JAKMIP3: variants seen among roughly 807,000 people sequenced by gnomAD.
The protein encoded by JAKMIP3 is Janus kinase and microtubule interacting protein 3, also known as janus kinase and microtubule-interacting protein 3.
Under a neutral mutation model 118.5 loss-of-function variants are expected in JAKMIP3, and 58 were observed. That is an observed-to-expected ratio of 0.49 (90% CI 0.40 to 0.61). JAKMIP3 has a LOEUF of 0.61. Among genes scored for constraint, JAKMIP3 ranks in the 20% least tolerant of loss-of-function variants. JAKMIP3 has a pLI of 0.00. For synonymous variants in JAKMIP3, 486 were observed against 451.2 expected, an observed-to-expected ratio of 1.08 and a Z score of -0.98; for missense variants, 950 against 1,109.0, an observed-to-expected ratio of 0.86 and a Z score of 2.04.
In JAKMIP3 at chr10:132,166,970, C is replaced by A; in HGVS notation, c.2491-13C>A. On this transcript the variant is annotated splice_polypyrimidine_tract_variant and intron_variant, in intron 21 of 23. Coordinates refer to ENST00000684848, the MANE Select transcript of JAKMIP3 (RefSeq NM_001323087.2). ...TTTCCTTCCGTTTCTCCATCCTCCC[C>A]TTTCCGTTTCAGTTTCTATTTTTGT... 1 of 1,529,462 alleles carries A rather than the reference C, an allele frequency of 6.5e-7. No individual in the cohort carries two copies. The highest frequency in any genetic ancestry group is 1.4e-5 in the African/African-American group (1 of 72,676). 94.7% of individuals were successfully genotyped at this position (1,529,462 alleles called of 1,614,324 possible).
chr10:132,064,475 C>T (rs1322904145), upstream of JAKMIP3, among the ~76,000 whole-genome samples: 6 of 152,006 alleles, frequency 3.9e-5, no homozygotes, highest in African/African-American at 1.2e-4. The surrounding 1 kb of genome is among the most constrained non-coding windows in gnomAD (Gnocchi z 4.4). Flanking sequence ...TGCTTCAGGG[C>T]AACACGGGAG....
At chr10:132,180,686 T>TGCGTGCGCGC (rs1409400199) in intron 23 of JAKMIP3, among the ~76,000 whole-genome samples, 2 of 20,964 alleles carry the variant, frequency 9.5e-5, no homozygotes, top group African/African-American at 3.2e-4. Context: ...CGCGCGCGTG[T>TGCGTGCGCGC]GTGTGCGTGC....
chr10:132,037,946 G>T (rs1203450715), intron 1 of JAKMIP3, among the ~76,000 whole-genome samples: 1 of 152,250 alleles, frequency 6.6e-6, no homozygotes, highest in Non-Finnish European at 1.5e-5. Flanking sequence ...AAATCTGGAA[G>T]AAGCCGGGAA....
At chr10:132,107,095 A>G (rs1240750175) in intron 2 of JAKMIP3, among the ~76,000 whole-genome samples, 1 of 146,142 alleles carries the variant, frequency 6.8e-6, no homozygotes, top group East Asian at 2.0e-4. Flanking sequence ...GGGTCTCGCC[A>G]TTTTGCCCGG....
At chr10:132,153,708 G>A (rs1000430173) in intron 17 of JAKMIP3, 51 bp from the exon 18 acceptor site, 37 of 1,574,502 alleles carry the variant, frequency 2.3e-5, no homozygotes, top group East Asian at 1.6e-4. Context: ...TCCACGAGCC[G>A]GGGTGGGGGA....
chr10:132,132,678 G>T (rs867452656), intron 3 of JAKMIP3, among the ~76,000 whole-genome samples: 25 of 152,334 alleles, frequency 1.6e-4, no homozygotes, highest in African/African-American at 6.0e-4. Context: ...GTGTGGCTCT[G>T]CCTGAAGACA....
At chr10:132,100,904 C>T (rs139747453) in intron 1 of JAKMIP3, among the ~76,000 whole-genome samples, 8 of 152,316 alleles carry the variant, frequency 5.3e-5, no homozygotes, top group Middle Eastern at 3.4e-3. Flanking sequence ...AAGAGCTTGC[C>T]GCAGACCCCA....
chr10:132,165,669 G>A (rs1009537507), intron 21 of JAKMIP3, among the ~76,000 whole-genome samples: 1 of 152,220 alleles, frequency 6.6e-6, no homozygotes, highest in Non-Finnish European at 1.5e-5. Flanking sequence ...ATTGCCAGGA[G>A]AGACCGGGTC....
intron 21 of JAKMIP3, among the ~76,000 whole-genome samples, chr10:132,165,006 G>A (rs781619202): frequency 2.0e-5 from 3 of 152,192 alleles, no homozygotes; most frequent in Non-Finnish European, 2.9e-5. Context: ...TGCGACCGCA[G>A]AGGAGCCACT....
At chr10:132,047,381 C>T (rs1380843162) in intron 1 of JAKMIP3, among the ~76,000 whole-genome samples, 1 of 152,200 alleles carries the variant, frequency 6.6e-6, no homozygotes, top group African/African-American at 2.4e-5. Context: ...CAGAGAGGAA[C>T]GCATAGCTCA....
At chr10:132,059,248 C>T (rs1233943029) in intron 1 of JAKMIP3, among the ~76,000 whole-genome samples, 3 of 152,246 alleles carry the variant, frequency 2.0e-5, no homozygotes, top group Admixed American at 6.5e-5. Flanking sequence ...CTGCTGGTGC[C>T]ATGTCCGCCA....
At chr10:132,037,978 G>C (rs1359474991) in intron 1 of JAKMIP3, among the ~76,000 whole-genome samples, 1 of 152,230 alleles carries the variant, frequency 6.6e-6, no homozygotes, top group Non-Finnish European at 1.5e-5. Flanking sequence ...GTCTGGCCTG[G>C]TCAGCTTTCT....
intron 1 of JAKMIP3, among the ~76,000 whole-genome samples, chr10:132,085,132 G>C (rs9419353): frequency 0.13 from 20,003 of 152,164 alleles, 1,421 homozygotes; most frequent in East Asian, 0.3. Context: ...TTGTGGAATA[G>C]TGTCAATAGG....
intron 1 of JAKMIP3, among the ~76,000 whole-genome samples, chr10:132,078,877 G>A (rs1342608655): frequency 6.6e-6 from 1 of 152,246 alleles, no homozygotes; most frequent in Non-Finnish European, 1.5e-5. Flanking sequence ...CAGGCCTAGG[G>A]GGCCGGATGA....
Position 132,117,496 on chromosome 10 carries a change from G to A in JAKMIP3, c.555G>A (p.Glu185=), listed in dbSNP as rs771690335. 2.1e-5 allele frequency: 34 copies of A among 1,611,778 alleles called. No individual in the cohort carries two copies. The highest frequency in any genetic ancestry group is 2.8e-5 in the Non-Finnish European group (33 of 1,179,190). The change falls in exon 3 of 24, where the codon GAG becomes GAA. Residue 185 remains glutamate, a synonymous_variant. Transcript: ENST00000684848. The surrounding 1 kb of genome is among the most constrained non-coding windows in gnomAD (Gnocchi z 8.6). ...AAGCGGACAAGATCAAGGCCGCAGA[G>A]ATCCGCAGCGTGTACCACCTGCACC... ...VIQADKIKAA[E]IRSVYHLHQE... is the part of the protein sequence containing the mutation.
At position 132,174,137 on chromosome 10, in the gene JAKMIP3, C is replaced by T. The variant is rs892014256; in HGVS notation, c.*1103+5104C>T. 1.6e-4 allele frequency among the ~76,000 whole-genome samples: 25 copies of T among 151,958 alleles called. 1 individual carries two copies. The highest frequency in any genetic ancestry group is 3.1e-4 in the Non-Finnish European group (21 of 68,000). On this transcript the variant is annotated intron_variant, in intron 23 of 23. Coordinates refer to ENST00000684848, the MANE Select transcript of JAKMIP3 (RefSeq NM_001323087.2). Reference sequence around the variant, plus strand: ...TGTGGTGTGTCTGCAATGGCTTTCTCGGTTGTGACCCATGCACAGTGCATG... The same window carrying T: ...TGTGGTGTGTCTGCAATGGCTTTCTTGGTTGTGACCCATGCACAGTGCATG...
upstream of JAKMIP3, among the ~76,000 whole-genome samples, chr10:132,064,746 T>G (rs1205096355): frequency 1.3e-5 from 2 of 152,188 alleles, no homozygotes; most frequent in South Asian, 4.1e-4. This position sits in a 1 kb window ranked among gnomAD's most constrained non-coding sequence, Gnocchi z 4.4. Context: ...AATTTTTTGC[T>G]TGCTCTAACT....
chr10:132,180,580 CGT>C (rs1241643311), intron 23 of JAKMIP3, among the ~76,000 whole-genome samples: 3,832 of 12,952 alleles, frequency 0.3, 1,124 homozygotes, highest in East Asian at 0.53. Context: ...TGTGTGTGTG[CGT>C]GCGCGTGTGT....
intron 2 of JAKMIP3, among the ~76,000 whole-genome samples, chr10:132,116,847 T>C (rs2047751135): frequency 1.4e-5 from 2 of 146,736 alleles, no homozygotes. Context: ...TGTGAGTGTG[T>C]GCATCATGGA....
Sources: allele counts gnomAD v4.1 joint callset (sites outside exome capture counted in the v4.1 genomes callset), GRCh38; gene constraint gnomAD v4.1.1; non-coding constraint Gnocchi (gnomAD v3.1); transcripts MANE v1.5; gene names NCBI Gene and HGNC (gene_info 2026-07-23, HGNC 2026-07-21).